The following ABHD2 variants were observed in gnomAD, a reference collection of about 807,000 sequenced individuals.
The protein encoded by ABHD2 is monoacylglycerol lipase ABHD2.
In ABHD2, 20 loss-of-function variants were observed where a neutral mutation model predicts 48.1. The ratio of observed to expected loss-of-function variants is 0.42; its 90% confidence interval spans 0.29 to 0.60. The LOEUF is 0.60. Ranked by LOEUF, ABHD2 falls within the 20% of genes least tolerant of loss-of-function variation. The pLI, the probability that ABHD2 is intolerant of heterozygous loss-of-function variation, is 0.24. For missense variants in ABHD2, 405 were observed against 550.9 expected, an observed-to-expected ratio of 0.74 and a Z score of 2.65; for synonymous variants, 209 against 214.2, an observed-to-expected ratio of 0.98 and a Z score of 0.21.
intron 6 of ABHD2, among the ~76,000 whole-genome samples, chr15:89,178,576 G>A (rs2283437): frequency 2.0e-5 from 3 of 151,994 alleles, no homozygotes; most frequent in Non-Finnish European, 4.4e-5. Flanking sequence ...AGCCAGAGCC[G>A]GTTGAAGGCT....
intron 10 of ABHD2, among the ~76,000 whole-genome samples, chr15:89,193,692 G>C (rs1045880099): frequency 2.6e-5 from 4 of 152,208 alleles, no homozygotes; most frequent in Non-Finnish European, 5.9e-5. Flanking sequence ...GCTCACACCT[G>C]TAATCCTAGC....
intron 3 of ABHD2, among the ~76,000 whole-genome samples, chr15:89,144,071 C>G (rs1013000557): frequency 1.3e-4 from 20 of 152,192 alleles, no homozygotes; most frequent in Non-Finnish European, 1.6e-4. Flanking sequence ...CAAACAAAAG[C>G]CTGTACATAA....
the ABHD2 span, among the ~76,000 whole-genome samples, chr15:89,062,249 C>A: frequency 2.5e-3 from 373 of 152,014 alleles, 1 homozygote; most frequent in African/African-American, 8.6e-3. Context: ...TGTTAAAGGC[C>A]CCAAGTTTGC....
chr15:89,116,307 G>A lies in ABHD2; in HGVS notation c.-6-15G>A, dbSNP rs1226336361. On this transcript the variant is annotated splice_polypyrimidine_tract_variant and intron_variant, in intron 2 of 10. Transcript: ENST00000352732. The surrounding 1 kb of genome is among the most constrained non-coding windows in gnomAD (Gnocchi z 4.6). ...ACTGTGCTTGTAAACTTAGACCTGT[G>A]CCTCTGCTCCCCAGATCAAGATGAA... 6.2e-7 allele frequency: 1 copy of A among 1,607,458 alleles called. No homozygotes were observed. Among genetic ancestry groups the A allele is most frequent in the East Asian group, 2.2e-5 (1 of 44,806 alleles).
chr15:89,106,414 A>C lies in ABHD2; in HGVS notation c.-106-7311A>C, dbSNP rs1383423956. ...CGATTTGCTAAAAGGTGGGTCTGTG[A>C]GCTGCTGGCTAAGGTGCTCACTCAC... On this transcript the variant is annotated intron_variant, in intron 1 of 10. Transcript: ENST00000352732. The surrounding 1 kb of genome is among the most constrained non-coding windows in gnomAD (Gnocchi z 4.2). 6.6e-6 allele frequency: 1 copy of C among 152,220 alleles called. No individual in the cohort carries two copies. Among genetic ancestry groups the C allele is most frequent in the African/African-American group, 2.4e-5 (1 of 41,394 alleles). The allele number at this position is 152,220 out of a possible 1,614,324, so 9.4% of individuals were successfully genotyped here.
chr15:89,195,416 T>A lies in ABHD2; in HGVS notation c.1271T>A (p.Leu424Gln). 1 of 1,612,616 alleles carries A rather than the reference T, an allele frequency of 6.2e-7. No individual in the cohort carries two copies. Among genetic ancestry groups the A allele is most frequent in the Non-Finnish European group, 8.5e-7 (1 of 1,179,736 alleles). ...CSDTEQVEADLE is the reference protein window; with the variant it reads ...CSDTEQVEADQE The stretch of plus-strand genomic sequence containing the variant: ...GACACGGAGCAGGTGGAGGCCGACC[T>A]GGAGTGAGGCCTCCGGACTCTGGCA... Residue 424 changes from leucine (L) to glutamine (Q), a missense_variant, in exon 11 of 11, where the codon CTG becomes CAG. Leu to Gln is a moderately radical substitution (Grantham distance 113). Transcript: ENST00000352732. The surrounding 1 kb of genome is among the most constrained non-coding windows in gnomAD (Gnocchi z 5.1).
At chr15:89,158,898 A>G (rs1409854859) in intron 5 of ABHD2, among the ~76,000 whole-genome samples, 1 of 151,680 alleles carries the variant, frequency 6.6e-6, no homozygotes, top group Admixed American at 6.6e-5. Context: ...TCCTGAGCTC[A>G]AGTGATCCAC....
intron 4 of ABHD2, among the ~76,000 whole-genome samples, chr15:89,154,752 A>C (rs559381518): frequency 6.6e-6 from 1 of 152,208 alleles, no homozygotes; most frequent in African/African-American, 2.4e-5. Flanking sequence ...CATCACTTAG[A>C]TATGCAATAA....
intron 5 of ABHD2, among the ~76,000 whole-genome samples, chr15:89,163,242 T>G (rs1353764238): frequency 6.6e-6 from 1 of 152,242 alleles, no homozygotes; most frequent in East Asian, 1.9e-4. Context: ...TCAACCCAAC[T>G]CTGTTCCAAA....
intron 3 of ABHD2, among the ~76,000 whole-genome samples, chr15:89,132,231 AG>A (rs1196554413): frequency 2.6e-5 from 4 of 152,230 alleles, no homozygotes; most frequent in African/African-American, 9.6e-5. Context: ...TCCGCTGTGC[AG>A]TAGGCTGTTG....
At chr15:89,193,410 C>T in intron 10 of ABHD2, 91 bp downstream of exon 10, 1 of 1,014,590 alleles carries the variant, frequency 9.9e-7, no homozygotes, top group Non-Finnish European at 1.6e-6. Context: ...CTCCTGGAGA[C>T]CACCCTCTTT....
intron 1 of ABHD2, among the ~76,000 whole-genome samples, chr15:89,099,833 C>G (rs541859474): frequency 3.3e-5 from 5 of 151,868 alleles, no homozygotes; most frequent in African/African-American, 1.2e-4. Flanking sequence ...TGCTTGAACC[C>G]GGGAGGTGGA....
chr15:89,150,715 A>G (rs2050576756), intron 3 of ABHD2, among the ~76,000 whole-genome samples: 1 of 152,204 alleles, frequency 6.6e-6, no homozygotes, highest in Admixed American at 6.5e-5. Context: ...GTAAATTATT[A>G]ATAAAACACT....
Position 89,175,974 on chromosome 15 carries a change from G to A in ABHD2, c.701G>A (p.Cys234Tyr), listed in dbSNP as rs2051006080. The change falls in exon 6 of 11, where the codon TGC (cysteine) becomes TAC (tyrosine). Residue 234 changes from cysteine to tyrosine, a missense_variant. By Grantham distance (194) the Cys-to-Tyr change is radical. Transcript: ENST00000352732. This position sits in a 1 kb window ranked among gnomAD's most constrained non-coding sequence, Gnocchi z 5.7. ...QEKVLCCVSV[C>Y]QGYSALRAQE... ...AAGGTCCTGTGCTGCGTCAGCGTGTGCCAGGGGTACAGTGCACTGAGGTGA... is the reference window on the plus strand; with the variant it reads ...AAGGTCCTGTGCTGCGTCAGCGTGTACCAGGGGTACAGTGCACTGAGGTGA... The A allele has an allele frequency of 6.2e-7, 1 of 1,611,700 alleles. No homozygotes were observed. The highest frequency in any genetic ancestry group is 8.5e-7 in the Non-Finnish European group (1 of 1,178,798).
chr15:89,060,729 GA>G, the ABHD2 span, among the ~76,000 whole-genome samples: 1 of 151,966 alleles, frequency 6.6e-6, no homozygotes, highest in Non-Finnish European at 1.5e-5. Context: ...TGGAACACTT[GA>G]AACGTATAAG....
At chr15:89,108,125 T>G (rs2049816363) in intron 1 of ABHD2, among the ~76,000 whole-genome samples, 1 of 152,254 alleles carries the variant, frequency 6.6e-6, no homozygotes, top group African/African-American at 2.4e-5. Context: ...AAACGGTCCC[T>G]TCAGCCACTA....
chr15:89,076,918 C>G, the ABHD2 span, among the ~76,000 whole-genome samples: 2 of 152,090 alleles, frequency 1.3e-5, no homozygotes, highest in African/African-American at 2.4e-5. Flanking sequence ...GAGAAAAGAC[C>G]CTTGTTCTCT....
intron 1 of ABHD2, among the ~76,000 whole-genome samples, chr15:89,101,119 C>T (rs1285258565): frequency 2.6e-5 from 4 of 152,138 alleles, no homozygotes; most frequent in African/African-American, 7.2e-5. Context: ...TATTTGCGGG[C>T]CTTTCCTTTC....
At chr15:89,135,589 T>A in intron 3 of ABHD2, 1 of 1,533,002 alleles carries the variant, frequency 6.5e-7, no homozygotes, top group Non-Finnish European at 8.8e-7. Context: ...CTTATCCTCT[T>A]CATCTTCCTC....
Sources: gnomAD v4.1 joint callset for allele counts (sites outside exome capture counted in the v4.1 genomes callset) on GRCh38, gnomAD v4.1.1 for gene constraint, Gnocchi (gnomAD v3.1) non-coding constraint, MANE v1.5 for transcripts, NCBI Gene and HGNC (gene_info 2026-07-23, HGNC 2026-07-21) for gene names.